The following BMP2K variants were observed in gnomAD, a reference collection of about 807,000 sequenced individuals.
BMP2K encodes BMP-2-inducible protein kinase.
In BMP2K, 74 loss-of-function variants were observed where a neutral mutation model predicts 116.0. That is an observed-to-expected ratio of 0.64 (90% confidence interval 0.53 to 0.77). The LOEUF is 0.77. Among genes scored for constraint, BMP2K ranks in the 30% least tolerant of loss-of-function variants. The pLI, the probability that BMP2K is intolerant of heterozygous loss-of-function variation, is 0.00. For synonymous variants in BMP2K, 486 were observed against 502.5 expected, an observed-to-expected ratio of 0.97 and a Z score of 0.44; for missense variants, 1,365 against 1,403.6, an observed-to-expected ratio of 0.97 and a Z score of 0.44.
intron 1 of BMP2K, among the ~76,000 whole-genome samples, chr4:78,823,123 T>C (rs1729702029): frequency 6.6e-6 from 1 of 152,182 alleles, no homozygotes. Context: ...GTTCAACGTA[T>C]CTTCTGTGTT....
At chr4:78,785,294 A>G (rs1334221841) in intron 1 of BMP2K, among the ~76,000 whole-genome samples, 3 of 151,998 alleles carry the variant, frequency 2.0e-5, no homozygotes, top group Non-Finnish European at 2.9e-5. Flanking sequence ...TATTTTTAGT[A>G]GAGACAGGGC....
chr4:78,896,169 T>C (rs1258584829), intron 15 of BMP2K, among the ~76,000 whole-genome samples: 2 of 152,210 alleles, frequency 1.3e-5, no homozygotes, highest in Non-Finnish European at 2.9e-5. Flanking sequence ...ATGACATTCA[T>C]TTTTCTCACA....
At chr4:78,848,205 A>G (rs1048016460) in intron 6 of BMP2K, among the ~76,000 whole-genome samples, 1 of 151,596 alleles carries the variant, frequency 6.6e-6, no homozygotes, top group Non-Finnish European at 1.5e-5. Context: ...ACATATATAC[A>G]TTCACCAAAC....
At chr4:78,797,492 G>T (rs1187946140) in intron 1 of BMP2K, among the ~76,000 whole-genome samples, 1 of 152,116 alleles carries the variant, frequency 6.6e-6, no homozygotes, top group Admixed American at 6.5e-5. Flanking sequence ...TTTAGGAAAA[G>T]GTCCAGAAAA....
At chr4:78,876,102 A>G (rs1046088546) in intron 13 of BMP2K, among the ~76,000 whole-genome samples, 10 of 152,198 alleles carry the variant, frequency 6.6e-5, no homozygotes, top group Admixed American at 5.2e-4. Context: ...TGATAACCCT[A>G]TTGAGTTACA....
intron 1 of BMP2K, among the ~76,000 whole-genome samples, chr4:78,796,307 A>G (rs1293612890): frequency 1.4e-5 from 2 of 146,928 alleles, no homozygotes; most frequent in Non-Finnish European, 3.0e-5. Context: ...AACACCGCAT[A>G]TTCTCACTCA....
intron 15 of BMP2K, among the ~76,000 whole-genome samples, chr4:78,895,342 T>G (rs779809208): frequency 6.6e-6 from 1 of 152,248 alleles, no homozygotes; most frequent in Non-Finnish European, 1.5e-5. Context: ...TACAGATTTC[T>G]CTGCAAACAC....
chr4:78,832,364 G>A (rs907444618), intron 2 of BMP2K, among the ~76,000 whole-genome samples: 8 of 152,066 alleles, frequency 5.3e-5, no homozygotes, highest in South Asian at 2.1e-4. Context: ...CTGCTAAGAG[G>A]GGGATTTCTT....
intron 2 of BMP2K, among the ~76,000 whole-genome samples, chr4:78,830,152 T>G (rs1730140829): frequency 6.6e-6 from 1 of 152,152 alleles, no homozygotes; most frequent in Non-Finnish European, 1.5e-5. Flanking sequence ...GCTAGGATTA[T>G]AGGCAAGAGC....
rs544897596 is a variant in BMP2K at position 78,885,548 on chromosome 4, T to A, written c.1952-1626T>A. Reference sequence around the variant, plus strand: ...TGGGGCTTTTTGCTTCACTCCAAAATTAAAAGTCATTTTTAGGGAATTCCA... The same window carrying A: ...TGGGGCTTTTTGCTTCACTCCAAAAATAAAAGTCATTTTTAGGGAATTCCA... On this transcript the variant is annotated intron_variant, in intron 14 of 15. Coordinates refer to ENST00000502613, the MANE Select transcript of BMP2K (RefSeq NM_198892.2). Among the ~76,000 whole-genome samples, 126 of 152,294 alleles carry A rather than the reference T, an allele frequency of 8.3e-4. 1 individual carries two copies. Among genetic ancestry groups the A allele is most frequent in the Non-Finnish European group, 1.4e-3 (98 of 68,002 alleles).
rs1003500390 is a variant in BMP2K at position 78,872,019 on chromosome 4, A to G, written c.1608+71A>G. 3.7e-6 allele frequency: 4 copies of G among 1,069,558 alleles called. No individual in the cohort carries two copies. The African/African-American group carries it at 4.9e-5, about 13-fold the overall frequency. 66.3% of individuals were successfully genotyped at this position (1,069,558 alleles called of 1,614,324 possible). A position where few individuals can be genotyped will look rare whatever the true frequency, so the allele number is the denominator to read the frequency against. ...TGTTGGAATTCACAGTATGAATCAT[A>G]TTATTCAGAATTTAGTAATTCAAAA... On this transcript the variant is annotated intron_variant, in intron 12 of 15. Transcript: ENST00000502613.
intron 1 of BMP2K, among the ~76,000 whole-genome samples, chr4:78,787,142 A>G (rs753638931): frequency 3.3e-5 from 5 of 152,188 alleles, no homozygotes; most frequent in Non-Finnish European, 7.3e-5. Context: ...TTCAAAAGTG[A>G]TCAGAGGGCT....
At chr4:78,871,556 A>C (rs548494151) in intron 11 of BMP2K, among the ~76,000 whole-genome samples, 1 of 152,270 alleles carries the variant, frequency 6.6e-6, no homozygotes, top group South Asian at 2.1e-4. Context: ...GTTAGAAGTC[A>C]CTCAGGTGTC....
At chr4:78,842,291 C>A in intron 3 of BMP2K, 94 bp from the exon 4 acceptor site, 1 of 1,114,990 alleles carries the variant, frequency 9.0e-7, no homozygotes, top group Non-Finnish European at 1.2e-6. Flanking sequence ...AGCCAATTTC[C>A]CATTACTTGA....
At chr4:78,825,633 A>G (rs1454519881) in intron 1 of BMP2K, among the ~76,000 whole-genome samples, 1 of 152,242 alleles carries the variant, frequency 6.6e-6, no homozygotes, top group South Asian at 2.1e-4. Context: ...GGAAGCACCT[A>G]TCTGATCCCA....
At position 78,911,227 on chromosome 4, in the gene BMP2K, G is replaced by A; in HGVS notation, c.2680G>A (p.Glu894Lys). ...RFPAAGLEQE[E>K]FDVFTKAPFS... is the part of the protein sequence containing the mutation. ...TCCTGCTGCAGGACTGGAGCAGGAG[G>A]AATTTGATGTATTCACAAAGGCGCC... Residue 894 changes from glutamate (E) to lysine (K), a missense_variant, in exon 16 of 16, where the codon GAA becomes AAA. Physicochemically the swap from Glu to Lys is moderately conservative, Grantham distance 56. Transcript: ENST00000502613. The A allele has an allele frequency of 6.2e-7, 1 of 1,613,962 alleles. No individual in the cohort carries two copies.
At chr4:78,797,526 G>A (rs925770523) in intron 1 of BMP2K, among the ~76,000 whole-genome samples, 1 of 152,094 alleles carries the variant, frequency 6.6e-6, no homozygotes, top group Admixed American at 6.6e-5. Context: ...AAATACTCTA[G>A]GTAATTCGGT....
intron 7 of BMP2K, among the ~76,000 whole-genome samples, 197 bp downstream of exon 7, chr4:78,851,253 A>T (rs1393111123): frequency 6.6e-6 from 1 of 152,060 alleles, no homozygotes; most frequent in Admixed American, 6.6e-5. Flanking sequence ...ATTAATATAG[A>T]TGTTTTTAAG....
chr4:78,891,624 T>G (rs1037591550), intron 15 of BMP2K, among the ~76,000 whole-genome samples: 4 of 152,232 alleles, frequency 2.6e-5, no homozygotes, highest in African/African-American at 4.8e-5. Flanking sequence ...TTACAGACAT[T>G]ATTTCTGATT....
Sources: gnomAD v4.1 joint callset for allele counts (sites outside exome capture counted in the v4.1 genomes callset) on GRCh38, gnomAD v4.1.1 for gene constraint, MANE v1.5 for transcripts, NCBI Gene and HGNC (gene_info 2026-07-23, HGNC 2026-07-21) for gene names.